MTREX: variants seen among roughly 807,000 people sequenced by gnomAD.
MTREX encodes the protein exosome RNA helicase MTR4.
MTREX carries 76 observed loss-of-function variants against 135.4 expected under a neutral mutation model. That is an observed-to-expected ratio of 0.56 (90% CI 0.47 to 0.68). MTREX has a LOEUF of 0.68. Ranked by LOEUF, MTREX falls within the 30% of genes least tolerant of loss-of-function variation. The probability of loss-of-function intolerance (pLI) is 0.00; values close to 1 mark genes in which losing one functional copy is unlikely to be tolerated. For synonymous variants in MTREX, 404 were observed against 401.6 expected (o/e 1.01, Z -0.07); for missense variants, 920 against 1,262.1 (o/e 0.73, Z 4.11).
chr5:55,353,827 TAA>T (rs1305430420), intron 14 of MTREX, among the ~76,000 whole-genome samples: 1 of 152,232 alleles, frequency 6.6e-6, no homozygotes, highest in Non-Finnish European at 1.5e-5. Flanking sequence ...GATAGGAGGT[TAA>T]GTGTGCAAGT....
At chr5:55,407,595 C>T (rs1236947940) in intron 22 of MTREX, among the ~76,000 whole-genome samples, 1 of 152,188 alleles carries the variant, frequency 6.6e-6, no homozygotes, top group Non-Finnish European at 1.5e-5. Flanking sequence ...GGGGCATCAT[C>T]CTAGACTCCT....
At position 55,422,798 on chromosome 5, in the gene MTREX, T is replaced by G. The variant is rs1158283486; in HGVS notation, c.2972-80T>G. On this transcript the variant is annotated intron_variant, in intron 25 of 26. Coordinates refer to ENST00000230640, the MANE Select transcript of MTREX (RefSeq NM_015360.5). The stretch of plus-strand genomic sequence containing the variant: ...AAGTACTATTAATTATCGTGTGTTC[T>G]CCTGCCTTGCCTCTTAACAAAAATT... 1.8e-5 allele frequency: 19 copies of G among 1,042,872 alleles called. 1 individual carries two copies. The highest frequency in any genetic ancestry group is 4.6e-5 in the South Asian group (3 of 65,486). 64.6% of individuals were successfully genotyped at this position (1,042,872 alleles called of 1,614,324 possible).
At position 55,348,757 on chromosome 5, in the gene MTREX, T is replaced by TA. The variant is rs556006948; in HGVS notation, c.1241-813dup. 1.9e-3 allele frequency among the ~76,000 whole-genome samples: 293 copies of TA among 152,316 alleles called. 2 individuals carry two copies. The highest frequency in any genetic ancestry group is 2.0e-3 in the Non-Finnish European group (135 of 68,028). On this transcript the variant is annotated intron_variant, in intron 11 of 26. Coordinates refer to ENST00000230640, the MANE Select transcript of MTREX (RefSeq NM_015360.5). ...CTTACCTACAAGTGCCGAATAAACT[T>TA]AAAGTTGCAGGGTTGCATACTGATT...
At chr5:55,340,959 A>C (rs1749639338) in intron 6 of MTREX, among the ~76,000 whole-genome samples, 1 of 152,168 alleles carries the variant, frequency 6.6e-6, no homozygotes, top group Admixed American at 6.5e-5. Context: ...ATATACTTAG[A>C]ATATCTTAAG....
chr5:55,375,376 A>G (rs1174054169), intron 16 of MTREX, among the ~76,000 whole-genome samples: 3 of 151,978 alleles, frequency 2.0e-5, no homozygotes, highest in African/African-American at 7.2e-5. Flanking sequence ...TCAGAGACCT[A>G]CTCCTAGGTG....
intron 21 of MTREX, among the ~76,000 whole-genome samples, chr5:55,402,016 A>C (rs148282229): frequency 2.5e-4 from 38 of 152,348 alleles, no homozygotes; most frequent in African/African-American, 8.7e-4. Flanking sequence ...ACATTTTCTC[A>C]TAATGGTCTG....
chr5:55,365,345 G>GT (rs893460191), intron 15 of MTREX, among the ~76,000 whole-genome samples: 2 of 152,096 alleles, frequency 1.3e-5, no homozygotes, highest in Non-Finnish European at 2.9e-5. Context: ...AAAGATCAAG[G>GT]TTTTAGGGAC....
chr5:55,349,488 C>T (rs1050564555), intron 11 of MTREX, 85 bp from the exon 12 acceptor site: 3 of 786,662 alleles, frequency 3.8e-6, no homozygotes, highest in African/African-American at 1.8e-5. Context: ...CACGCCTGGC[C>T]TTTAGATTCT....
At chr5:55,374,285 T>TATATATATAA (rs1440361807) in intron 16 of MTREX, among the ~76,000 whole-genome samples, 1 of 144,578 alleles carries the variant, frequency 6.9e-6, no homozygotes, top group East Asian at 2.1e-4. Context: ...TATATATATA[T>TATATATATAA]AAACAATTTT....
rs1751162144 is a variant in MTREX, at chr5:55,425,570, G to GTTAT, written c.*801_*804dup. On this transcript the variant is annotated 3_prime_UTR_variant, in exon 27 of 27. Coordinates refer to ENST00000230640, the MANE Select transcript of MTREX (RefSeq NM_015360.5). ...CATTTTGCCAATACTGAATAAAAGA[G>GTTAT]TTATTTCTACATGTGAATTAGTTTT... 2.2e-6 allele frequency: 1 copy of GTTAT among 446,822 alleles called. No homozygotes were observed. Among genetic ancestry groups the GTTAT allele is most frequent in the Non-Finnish European group, 3.8e-6 (1 of 262,112 alleles). 27.7% of individuals were successfully genotyped at this position (446,822 alleles called of 1,614,324 possible).
intron 16 of MTREX, among the ~76,000 whole-genome samples, chr5:55,373,145 T>C (rs1750234552): frequency 6.6e-6 from 1 of 151,014 alleles, no homozygotes; most frequent in Non-Finnish European, 1.5e-5. Context: ...CTTTTTGTCT[T>C]AGATCTGTTC....
chr5:55,396,439 A>G (rs899769952), intron 19 of MTREX, among the ~76,000 whole-genome samples: 2 of 152,188 alleles, frequency 1.3e-5, no homozygotes, highest in African/African-American at 4.8e-5. Flanking sequence ...TGGTCAAGTG[A>G]AGTGATGTCT....
At chr5:55,339,882 A>G (rs1300740773) in intron 5 of MTREX, 128 bp from the exon 6 acceptor site, 3 of 498,678 alleles carry the variant, frequency 6.0e-6, no homozygotes, top group African/African-American at 4.0e-5. Flanking sequence ...ATATGGTGTT[A>G]CTGTTCTTCA....
Position 55,424,906 on chromosome 5 carries a change from C to A in MTREX, c.*134C>A. ...TATTATATTTAAATCAAACATCATTCATAGAAAGCATATTACATACATGTT... is the reference window on the plus strand; with the variant it reads ...TATTATATTTAAATCAAACATCATTAATAGAAAGCATATTACATACATGTT... On this transcript the variant is annotated 3_prime_UTR_variant, in exon 27 of 27. Transcript: ENST00000230640. The A allele has an allele frequency of 1.5e-6, 1 of 663,138 alleles. No individual in the cohort carries two copies. Among genetic ancestry groups the A allele is most frequent in the South Asian group, 2.1e-5 (1 of 48,512 alleles). 41.1% of individuals were successfully genotyped at this position (663,138 alleles called of 1,614,324 possible). A position where few individuals can be genotyped will look rare whatever the true frequency, so the allele number is the denominator to read the frequency against.
At chr5:55,422,163 G>A (rs1751064864) in intron 25 of MTREX, among the ~76,000 whole-genome samples, 1 of 152,148 alleles carries the variant, frequency 6.6e-6, no homozygotes, top group African/African-American at 2.4e-5. Context: ...AGCACTTAGA[G>A]AAAGGATCTC....
At position 55,388,034 on chromosome 5, in the gene MTREX, G is replaced by T; in HGVS notation, c.2113G>T (p.Glu705Ter). ...VVEVLLRCSK[E>*]SLKNSATEAA... ...AGAAGTACTTCTGCGCTGTAGCAAA[G>T]AGAGCTTGAAAAATTCAGCTACAGA... The change falls in exon 19 of 27, where the codon GAG becomes TAG. Residue 705 changes from glutamate (E) to a stop codon, truncating the protein, a stop_gained. Transcript: ENST00000230640. LOFTEE classifies it high-confidence loss of function. 1 of 1,609,470 alleles carries T rather than the reference G, an allele frequency of 6.2e-7. No individual in the cohort carries two copies. The highest frequency in any genetic ancestry group is 2.2e-5 in the East Asian group (1 of 44,754).
intron 18 of MTREX, among the ~76,000 whole-genome samples, chr5:55,384,559 A>G (rs962480139): frequency 6.6e-6 from 1 of 152,104 alleles, no homozygotes; most frequent in Admixed American, 6.5e-5. Flanking sequence ...ATGGGTCATA[A>G]CTTTCCTGTT....
chr5:55,391,005 A>G (rs909627474), intron 19 of MTREX, among the ~76,000 whole-genome samples: 9 of 151,946 alleles, frequency 5.9e-5, no homozygotes, highest in Admixed American at 1.3e-4. Flanking sequence ...ATTAATTACT[A>G]TTTTTCTCTG....
At chr5:55,406,230 A>G (rs1477831808) in intron 22 of MTREX, among the ~76,000 whole-genome samples, 3 of 152,232 alleles carry the variant, frequency 2.0e-5, no homozygotes. Context: ...TTTATGGGTC[A>G]GAAATTCAGG....
Sources: allele counts gnomAD v4.1 joint callset (sites outside exome capture counted in the v4.1 genomes callset), GRCh38; gene constraint gnomAD v4.1.1; transcripts MANE v1.5; gene names NCBI Gene and HGNC (gene_info 2026-07-23, HGNC 2026-07-21).